ICAM3: variants seen among roughly 807,000 people sequenced by gnomAD.
ICAM3 encodes ICAM-3.
Under a neutral mutation model 43.6 loss-of-function variants are expected in ICAM3, and 54 were observed. The ratio of observed to expected loss-of-function variants is 1.24; its 90% CI spans 0.99 to 1.55. ICAM3 has a LOEUF of 1.55. ICAM3 is among the 40% of genes most tolerant of loss of function. ICAM3 has a pLI of 0.00. For missense variants in ICAM3, 715 were observed against 717.9 expected (o/e 1.00, Z 0.05); for synonymous variants, 306 against 312.6 (o/e 0.98, Z 0.22).
At chr19:10,335,387 G>C in intron 3 of ICAM3, 34 bp from the exon 4 acceptor site, 1 of 1,533,326 alleles carries the variant, frequency 6.5e-7, no homozygotes, top group Non-Finnish European at 8.8e-7. Context: ...ACAACCCCCA[G>C]GACTGTGCCT....
chr19:10,337,070 A>G (rs1483945655), intron 2 of ICAM3, among the ~76,000 whole-genome samples: 1 of 151,912 alleles, frequency 6.6e-6, no homozygotes, highest in Non-Finnish European at 1.5e-5. Context: ...ACATCGCGCC[A>G]TTGTACTCCA....
At chr19:10,338,565 TG>T in intron 2 of ICAM3, 116 bp downstream of exon 2, 1 of 874,268 alleles carries the variant, frequency 1.1e-6, no homozygotes, top group Non-Finnish European at 1.8e-6. Flanking sequence ...GTCTGAGCTC[TG>T]GGTCAGAACT....
In ICAM3 at chr19:10,338,719, G is replaced by T; in HGVS notation, c.306C>A (p.Gly102=). Residue 102 remains glycine (G), a synonymous_variant, in exon 2 of 7, where the codon GGC becomes GGA. Coordinates refer to ENST00000160262, the MANE Select transcript of ICAM3 (RefSeq NM_002162.5). ...SRILCSVYCN[G]SQITGSSNIT... ...TGTTAGAGGAGCCTGTTATCTGAGAGCCATTGCAGTACACTGAGCAGAGGA... is the reference window on the plus strand; with the variant it reads ...TGTTAGAGGAGCCTGTTATCTGAGATCCATTGCAGTACACTGAGCAGAGGA... 1 of 1,614,108 alleles carries T rather than the reference G, an allele frequency of 6.2e-7. No homozygotes were observed. The highest frequency in any genetic ancestry group is 1.3e-5 in the African/African-American group (1 of 75,042).
In ICAM3 at chr19:10,333,856, G is replaced by C; in HGVS notation, c.*1C>G. Reference sequence around the variant, plus strand: ...GCCAACTTTGATCCCGGATCCCAGCGTCACTCAGCTCTGGACGGTTCTTCC... The same window carrying C: ...GCCAACTTTGATCCCGGATCCCAGCCTCACTCAGCTCTGGACGGTTCTTCC... On this transcript the variant is annotated 3_prime_UTR_variant, in exon 7 of 7. Transcript: ENST00000160262. This position sits in a 1 kb window ranked among gnomAD's most constrained non-coding sequence, Gnocchi z 4.2. The C allele has an allele frequency of 6.2e-7, 1 of 1,612,976 alleles. No homozygotes were observed. The highest frequency in any genetic ancestry group is 8.5e-7 in the Non-Finnish European group (1 of 1,179,010).
intron 1 of ICAM3, chr19:10,339,248 G>C (rs1048901349): frequency 1.7e-6 from 1 of 581,038 alleles, no homozygotes; most frequent in South Asian, 2.1e-5. Flanking sequence ...AGGTGATCCT[G>C]GCAGAGGGAA....
At position 10,334,489 on chromosome 19, in the gene ICAM3, C is replaced by A. The variant is rs61198164; in HGVS notation, c.1192+39G>T. ...AGAGGAGCGTCTAATCTTTCCAGGG[C>A]AGGGGTGGAGGGATTAAAGGTCAGG... is the stretch of plus-strand genomic sequence containing the variant. On this transcript the variant is annotated intron_variant, in intron 5 of 6. Coordinates refer to ENST00000160262, the MANE Select transcript of ICAM3 (RefSeq NM_002162.5). The surrounding 1 kb of genome is among the most constrained non-coding windows in gnomAD (Gnocchi z 5.5). The A allele has an allele frequency of 0.083, 132,665 of 1,602,346 alleles. 5,904 individuals are homozygous for A. The highest frequency in any genetic ancestry group is 0.11 in the African/African-American group (8,119 of 74,876).
At chr19:10,336,062 C>T (rs1008311173) in intron 2 of ICAM3, 86 bp from the exon 3 acceptor site, 13 of 1,218,512 alleles carry the variant, frequency 1.1e-5, no homozygotes, top group East Asian at 7.7e-5. Flanking sequence ...CAGGGTGGTC[C>T]TGCCGAGAAC....
chr19:10,337,094 T>C (rs10408916), intron 2 of ICAM3, among the ~76,000 whole-genome samples: 3 of 147,884 alleles, frequency 2.0e-5, no homozygotes, highest in Middle Eastern at 3.8e-3. Flanking sequence ...TGGGGGACAA[T>C]AGCAAGACTG....
rs752495746 is a variant in ICAM3 at position 10,335,970 on chromosome 19, G to A, written c.350C>T (p.Pro117Leu). 49 of 1,554,726 alleles carry A rather than the reference G, an allele frequency of 3.2e-5. No individual in the cohort carries two copies. Among genetic ancestry groups the A allele is most frequent in the Non-Finnish European group, 3.5e-5 (41 of 1,155,330 alleles). ...GSSNITVYRL[P>L]ERVELAPLPP... The stretch of plus-strand genomic sequence containing the variant: ...CAGGGGTGCCAGCTCCACACGCTCC[G>A]GGAGCCCTGAGAGAGGAGGGGAGGA... The change falls in exon 3 of 7, where the codon CCG (proline) becomes CTG (leucine). Residue 117 changes from proline to leucine, a missense_variant. Coordinates refer to ENST00000160262, the MANE Select transcript of ICAM3 (RefSeq NM_002162.5).
rs950928750 is a variant in ICAM3, at chr19:10,334,924, T to C, written c.937+142A>G. 23 of 1,449,012 alleles carry C rather than the reference T, an allele frequency of 1.6e-5. No homozygotes were observed. The East Asian group carries it at 5.4e-4, about 34-fold the overall frequency. 89.8% of individuals were successfully genotyped at this position (1,449,012 alleles called of 1,614,324 possible). On this transcript the variant is annotated intron_variant, in intron 4 of 6. Coordinates refer to ENST00000160262, the MANE Select transcript of ICAM3 (RefSeq NM_002162.5). This position sits in a 1 kb window ranked among gnomAD's most constrained non-coding sequence, Gnocchi z 5.5. ...AGCCTCGCCCTCTTTCCGCGCTGTGTCCAGCTTCGGGCACTCAGGCCCAAC... is the reference window on the plus strand; with the variant it reads ...AGCCTCGCCCTCTTTCCGCGCTGTGCCCAGCTTCGGGCACTCAGGCCCAAC...
rs1386006657 is a variant in ICAM3, at chr19:10,335,994, G to A, written c.344-18C>T. 6 of 1,529,356 alleles carry A rather than the reference G, an allele frequency of 3.9e-6. No individual in the cohort carries two copies. The highest frequency in any genetic ancestry group is 4.4e-6 in the Non-Finnish European group (5 of 1,140,972). 94.7% of individuals were successfully genotyped at this position (1,529,356 alleles called of 1,614,324 possible). A position where few individuals can be genotyped will look rare whatever the true frequency, so the allele number is the denominator to read the frequency against. On this transcript the variant is annotated intron_variant, in intron 2 of 6. Transcript: ENST00000160262. ...CGGGAGCCCTGAGAGAGGAGGGGAGGATGGCACTTAGCGGGTCCTGCAAAC... is the reference window on the plus strand; with the variant it reads ...CGGGAGCCCTGAGAGAGGAGGGGAGAATGGCACTTAGCGGGTCCTGCAAAC...
Position 10,335,731 on chromosome 19 carries a change from G to A in ICAM3, c.589C>T (p.Gln197Ter). Residue 197 changes from glutamine (Q) to a stop codon, truncating the protein, a stop_gained, in exon 3 of 7, where the codon CAG becomes TAG. Coordinates refer to ENST00000160262, the MANE Select transcript of ICAM3 (RefSeq NM_002162.5). LOFTEE classifies it high-confidence loss of function. ...PFSCRTELDM[Q>*]PQGLGLFVNT... ...ACGAACAGTCCCAGCCCCTGGGGCTGCATGTCCAGTTCTGTGCGGCATGAG... is the reference window on the plus strand; with the variant it reads ...ACGAACAGTCCCAGCCCCTGGGGCTACATGTCCAGTTCTGTGCGGCATGAG... 6.2e-7 allele frequency: 1 copy of A among 1,611,132 alleles called. No individual in the cohort carries two copies. The highest frequency in any genetic ancestry group is 1.3e-5 in the African/African-American group (1 of 75,038).
intron 2 of ICAM3, 144 bp from the exon 3 acceptor site, chr19:10,336,120 C>G: frequency 1.4e-6 from 1 of 703,132 alleles, no homozygotes; most frequent in Non-Finnish European, 2.3e-6. Flanking sequence ...CTGGGCCAGT[C>G]GAAGCGTTTG....
chr19:10,339,432 GGTCGCA>G lies in ICAM3; in HGVS notation c.76+101_76+106del, dbSNP rs534620381. 2.2e-3 allele frequency: 2,043 copies of G among 948,596 alleles called. 5 individuals are homozygous for G. Among genetic ancestry groups the G allele is most frequent in the Non-Finnish European group, 2.8e-3 (1,724 of 611,734 alleles). The allele number at this position is 948,596 out of a possible 1,614,324, so 58.8% of individuals were successfully genotyped here. On this transcript the variant is annotated intron_variant, in intron 1 of 6. Transcript: ENST00000160262. ...CCCGAGGATACAGAGTCAGCGGCCA[GGTCGCA>G]GTGTGGCAGGATGTGAACAGCGTTG...
chr19:10,337,727 G>A (rs2040613899), intron 2 of ICAM3, among the ~76,000 whole-genome samples: 1 of 152,280 alleles, frequency 6.6e-6, no homozygotes, highest in Middle Eastern at 3.4e-3. Context: ...GGGCTCAAGC[G>A]ATTCTCCCAC....
In ICAM3 at chr19:10,334,302, C is replaced by A. The variant is rs768023107; in HGVS notation, c.1299G>T (p.Leu433=). The change falls in exon 6 of 7, where the codon CTG becomes CTT. Residue 433 remains leucine, a synonymous_variant. Coordinates refer to ENST00000160262, the MANE Select transcript of ICAM3 (RefSeq NM_002162.5). This position sits in a 1 kb window ranked among gnomAD's most constrained non-coding sequence, Gnocchi z 5.5. ...CQARGNPYPE[L]RCLKEGSSRE... Reference sequence around the variant, plus strand: ...GGCTGGAGCCTTCCTTCAAACACCGCAGCTCGGGGTACGGGTTGCCCCTGG... The same window carrying A: ...GGCTGGAGCCTTCCTTCAAACACCGAAGCTCGGGGTACGGGTTGCCCCTGG... 1 of 1,614,224 alleles carries A rather than the reference C, an allele frequency of 6.2e-7. No homozygotes were observed. Among genetic ancestry groups the A allele is most frequent in the African/African-American group, 1.3e-5 (1 of 75,064 alleles).
chr19:10,335,186 T>G lies in ICAM3; in HGVS notation c.817A>C (p.Thr273Pro), dbSNP rs2040579437. Residue 273 changes from threonine (T) to proline (P), a missense_variant, in exon 4 of 7, where the codon ACG becomes CCG. Coordinates refer to ENST00000160262, the MANE Select transcript of ICAM3 (RefSeq NM_002162.5). ...LNATVMNHGDTLTATATATAR... is the reference protein window; with the variant it reads ...LNATVMNHGDPLTATATATAR... ...GTGGCTGTGGCTGTGGCCGTTAGCG[T>G]GTCCCCGTGGTTCATGACTGTCGCA... The G allele has an allele frequency of 1.2e-6, 2 of 1,613,678 alleles. No homozygotes were observed. Among genetic ancestry groups the G allele is most frequent in the South Asian group, 2.2e-5 (2 of 91,092 alleles).
At chr19:10,339,009 AG>A in intron 1 of ICAM3, 61 bp from the exon 2 acceptor site, 3 of 1,564,968 alleles carry the variant, frequency 1.9e-6, no homozygotes, top group Non-Finnish European at 2.6e-6. Flanking sequence ...ACGCATCAAC[AG>A]GCCCCACCAT....
chr19:10,335,012 C>A, intron 4 of ICAM3, 54 bp downstream of exon 4: 1 of 1,572,974 alleles, frequency 6.4e-7, no homozygotes, highest in Non-Finnish European at 8.6e-7. Context: ...TCCGCCCCCT[C>A]TGCCACGCCC....
Sources: gnomAD v4.1 joint callset for allele counts (sites outside exome capture counted in the v4.1 genomes callset) on GRCh38, gnomAD v4.1.1 for gene constraint, Gnocchi (gnomAD v3.1) non-coding constraint, MANE v1.5 for transcripts, NCBI Gene and HGNC (gene_info 2026-07-23, HGNC 2026-07-21) for gene names.